Variants in SYNJ2 observed in about 807,000 individuals in gnomAD.
The protein encoded by SYNJ2 is polyphosphatidylinositol phosphatase SYNJ2.
A neutral mutation model predicts 141.3 loss-of-function variants in SYNJ2; 116 were observed. That is an observed-to-expected ratio of 0.82 (90% confidence interval 0.71 to 0.96). The LOEUF (loss-of-function observed/expected upper bound fraction) is 0.96, where lower values mean the gene tolerates loss of function less well. Ranked by LOEUF, SYNJ2 falls within the 40% of genes least tolerant of loss-of-function variation. SYNJ2 has a pLI of 0.00. For missense variants in SYNJ2, 1,873 were observed against 1,934.8 expected (o/e 0.97, Z 0.60); for synonymous variants, 745 against 777.7 (o/e 0.96, Z 0.70).
intron 11 of SYNJ2, 91 bp from the exon 12 acceptor site, chr6:158,066,353 C>T: frequency 6.9e-7 from 1 of 1,442,120 alleles, no homozygotes; most frequent in Non-Finnish European, 9.6e-7. Context: ...CATGAACCAT[C>T]TGTCTCTGCC....
At chr6:157,998,326 C>T (rs959428054) in intron 1 of SYNJ2, among the ~76,000 whole-genome samples, 1 of 152,232 alleles carries the variant, frequency 6.6e-6, no homozygotes, top group African/African-American at 2.4e-5. Flanking sequence ...AGTTACCACA[C>T]CTAAGGAAGC....
intron 2 of SYNJ2, among the ~76,000 whole-genome samples, chr6:158,026,603 T>C (rs1779061293): frequency 6.6e-6 from 1 of 151,974 alleles, no homozygotes; most frequent in South Asian, 2.1e-4. Context: ...CTCCCCAGCC[T>C]CCCCCAGGCC....
rs557947469 is a variant in SYNJ2 at position 158,064,413 on chromosome 6, A to G, written c.1210-188A>G. Among the ~76,000 whole-genome samples the G allele has an allele frequency of 7.9e-5, 12 of 152,238 alleles. No individual in the cohort carries two copies. In the South Asian group the frequency reaches 2.5e-3, roughly 32 times the overall value. Reference sequence around the variant, plus strand: ...TGAGAGGAGGGCTTGGGTGGACCCTATAGATAAAGTTGGGGTGAGATGTGG... The same window carrying G: ...TGAGAGGAGGGCTTGGGTGGACCCTGTAGATAAAGTTGGGGTGAGATGTGG... On this transcript the variant is annotated intron_variant, in intron 9 of 26. Coordinates refer to ENST00000355585, the MANE Select transcript of SYNJ2 (RefSeq NM_003898.4).
At chr6:158,031,831 T>C (rs536408744) in intron 3 of SYNJ2, among the ~76,000 whole-genome samples, 1 of 152,288 alleles carries the variant, frequency 6.6e-6, no homozygotes, top group South Asian at 2.1e-4. Flanking sequence ...CCAGGCAGTG[T>C]CACTAGAAAC....
chr6:158,023,147 A>G (rs1037400836), intron 2 of SYNJ2, among the ~76,000 whole-genome samples: 1 of 151,942 alleles, frequency 6.6e-6, no homozygotes, highest in African/African-American at 2.4e-5. Flanking sequence ...AGTCCCAGCT[A>G]CTTGGGAGGC....
chr6:157,982,012 G>T lies in SYNJ2; in HGVS notation c.51G>T (p.Gly17=). 7.6e-7 allele frequency: 1 copy of T among 1,321,704 alleles called. No individual in the cohort carries two copies. Among genetic ancestry groups the T allele is most frequent in the Non-Finnish European group, 9.6e-7 (1 of 1,039,114 alleles). The allele number at this position is 1,321,704 out of a possible 1,614,324, so 81.9% of individuals were successfully genotyped here. ...TGCTGGGGCGCCTGGGGGCCGAGGG[G>T]GACTGTAGCGTGCTGCTGGAGGCGC... ...LRLLGRLGAE[G]DCSVLLEARG... Residue 17 remains glycine (G), a synonymous_variant, in exon 1 of 27, where the codon GGG becomes GGT. Coordinates refer to ENST00000355585, the MANE Select transcript of SYNJ2 (RefSeq NM_003898.4). The surrounding 1 kb of genome is among the most constrained non-coding windows in gnomAD (Gnocchi z 4.0).
Position 158,081,202 on chromosome 6 carries a change from C to A in SYNJ2, c.2661C>A (p.Pro887=). The A allele has an allele frequency of 6.2e-7, 1 of 1,614,130 alleles. No homozygotes were observed. The highest frequency in any genetic ancestry group is 1.1e-5 in the South Asian group (1 of 91,068). The change falls in exon 19 of 27, where the codon CCC becomes CCA. Residue 887 remains proline (P), a synonymous_variant. Transcript: ENST00000355585. ...VFQEVSSFQG[P]LDATVVVNLQ... Reference sequence around the variant, plus strand: ...AGGAAGTGTCCTCCTTCCAGGGCCCCCTGGATGCCACTGTTGTAGTAAACC... The same window carrying A: ...AGGAAGTGTCCTCCTTCCAGGGCCCACTGGATGCCACTGTTGTAGTAAACC...
chr6:158,058,658 G>A (rs1255664699), intron 6 of SYNJ2, among the ~76,000 whole-genome samples: 4 of 152,234 alleles, frequency 2.6e-5, no homozygotes, highest in African/African-American at 9.6e-5. Flanking sequence ...CAGGCACGGT[G>A]GCTTATGCCT....
chr6:158,081,368 G>T, intron 19 of SYNJ2, 41 bp downstream of exon 19: 2 of 1,613,084 alleles, frequency 1.2e-6, no homozygotes, highest in Non-Finnish European at 1.7e-6. Flanking sequence ...AGGGGATGTC[G>T]ATGAGGATCC....
chr6:158,089,792 C>T (rs1783314893), intron 24 of SYNJ2, 47 bp from the exon 25 acceptor site: 1 of 1,454,320 alleles, frequency 6.9e-7, no homozygotes, highest in South Asian at 1.2e-5. Context: ...ACGAGGCTGT[C>T]CTCCTGCCTC....
intron 2 of SYNJ2, among the ~76,000 whole-genome samples, chr6:158,020,210 C>A (rs1583329776): frequency 1.2e-5 from 1 of 81,298 alleles, no homozygotes; most frequent in Non-Finnish European, 2.6e-5. Context: ...ACTGTGTGAC[C>A]CCCACCTGCG....
At chr6:157,993,940 G>A (rs895969700) in intron 1 of SYNJ2, among the ~76,000 whole-genome samples, 5 of 148,530 alleles carry the variant, frequency 3.4e-5, no homozygotes, top group Non-Finnish European at 7.4e-5. Flanking sequence ...TCAGCCTCCC[G>A]AGTAGCTGGG....
intron 22 of SYNJ2, among the ~76,000 whole-genome samples, chr6:158,085,942 C>T (rs772765123): frequency 2.3e-4 from 35 of 152,194 alleles, no homozygotes; most frequent in Non-Finnish European, 3.5e-4. Context: ...ACCTTTCTCT[C>T]GGGGGTGGCC....
intron 1 of SYNJ2, among the ~76,000 whole-genome samples, chr6:158,016,406 C>T (rs765426063): frequency 1.4e-4 from 21 of 152,196 alleles, no homozygotes; most frequent in Non-Finnish European, 8.8e-5. Context: ...CAAAGTAAGC[C>T]ACTGTGCCCG....
At chr6:158,002,096 A>T (rs1562316219) in intron 1 of SYNJ2, 2 of 152,400 alleles carry the variant, frequency 1.3e-5, no homozygotes, top group African/African-American at 4.8e-5. Context: ...CATCCCACAG[A>T]TGAAGCATTT....
At chr6:158,044,316 C>T (rs1780119791) in intron 5 of SYNJ2, among the ~76,000 whole-genome samples, 3 of 152,202 alleles carry the variant, frequency 2.0e-5, no homozygotes, top group Admixed American at 6.5e-5. Context: ...TTGACTTGAC[C>T]CTGTGCCAGG....
intron 4 of SYNJ2, among the ~76,000 whole-genome samples, chr6:158,034,154 G>A (rs1779517797): frequency 6.6e-6 from 1 of 152,206 alleles, no homozygotes; most frequent in South Asian, 2.1e-4. Flanking sequence ...AAATCTGCGT[G>A]TTAAGCAGCC....
rs1354283260 is a variant in SYNJ2, at chr6:158,088,645, C to A, written c.3344-15C>A. On this transcript the variant is annotated splice_polypyrimidine_tract_variant and intron_variant, in intron 23 of 26. Transcript: ENST00000355585. ...TTCACTGAGATTGAGACTCTGCCCT[C>A]GTTGGTTTTTACAGCCGGTTTAATG... 4.4e-6 allele frequency: 7 copies of A among 1,603,960 alleles called. No homozygotes were observed. The highest frequency in any genetic ancestry group is 2.7e-5 in the African/African-American group (2 of 74,688).
intron 1 of SYNJ2, among the ~76,000 whole-genome samples, chr6:158,016,764 C>T (rs1021862064): frequency 7.2e-5 from 11 of 152,216 alleles, no homozygotes; most frequent in African/African-American, 2.4e-4. Context: ...GCCCTGGGCA[C>T]TCAGAGGTAC....
Sources: gnomAD v4.1 joint callset for allele counts (sites outside exome capture counted in the v4.1 genomes callset) on GRCh38, gnomAD v4.1.1 for gene constraint, Gnocchi (gnomAD v3.1) non-coding constraint, MANE v1.5 for transcripts, NCBI Gene and HGNC (gene_info 2026-07-23, HGNC 2026-07-21) for gene names.